ANK3: variants seen among roughly 807,000 people sequenced by gnomAD.
ANK3 encodes the protein ankyrin 3, also known as ankyrin-3.
A neutral mutation model predicts 370.9 loss-of-function variants in ANK3; 57 were observed. That is an observed-to-expected ratio of 0.15 (90% CI 0.12 to 0.19). The LOEUF (loss-of-function observed/expected upper bound fraction) is 0.19. Ranked by LOEUF, ANK3 falls within the 10% of genes least tolerant of loss-of-function variation. The probability of loss-of-function intolerance (pLI) is 1.00; values close to 1 mark genes in which losing one functional copy is unlikely to be tolerated. For synonymous variants in ANK3, 1,929 were observed against 1,946.3 expected, an observed-to-expected ratio of 0.99 and a Z score of 0.23; for missense variants, 4,439 against 5,302.1, an observed-to-expected ratio of 0.84 and a Z score of 5.06.
chr10:60,619,692 T>A (rs893822455), intron 1 of ANK3, among the ~76,000 whole-genome samples: 3 of 152,160 alleles, frequency 2.0e-5, no homozygotes, highest in Admixed American at 2.0e-4. Context: ...AAGATGAAAC[T>A]GATGAGCAAA....
At chr10:60,133,351 C>T (rs559815909) in intron 25 of ANK3, among the ~76,000 whole-genome samples, 39 of 152,272 alleles carry the variant, frequency 2.6e-4, no homozygotes, top group African/African-American at 9.4e-4. Context: ...GTAATTATTC[C>T]AGGACCATCC....
intron 1 of ANK3, among the ~76,000 whole-genome samples, chr10:60,312,814 T>C (rs1244118489): frequency 2.0e-5 from 3 of 152,244 alleles, no homozygotes; most frequent in African/African-American, 7.2e-5. Flanking sequence ...AAGCTAAGCC[T>C]TCCTTTCCAT....
intron 1 of ANK3, among the ~76,000 whole-genome samples, chr10:60,330,771 T>C (rs2051048919): frequency 1.3e-5 from 2 of 152,196 alleles, no homozygotes; most frequent in Non-Finnish European, 2.9e-5. Flanking sequence ...ACTGGGTATA[T>C]ACCCAAAGGA....
At chr10:60,079,082 C>T (rs1028551904) in intron 36 of ANK3, among the ~76,000 whole-genome samples, 2 of 151,842 alleles carry the variant, frequency 1.3e-5, no homozygotes, top group African/African-American at 4.8e-5. Context: ...TCTCAACCAA[C>T]TACCCACTGA....
intron 2 of ANK3, among the ~76,000 whole-genome samples, chr10:60,415,616 A>G (rs147792922): frequency 7.9e-5 from 12 of 152,192 alleles, no homozygotes; most frequent in South Asian, 2.1e-4. Flanking sequence ...TGATCATCCA[A>G]TGAAATTCTG....
At chr10:60,643,383 G>A (rs1236113758) in intron 1 of ANK3, among the ~76,000 whole-genome samples, 2 of 152,146 alleles carry the variant, frequency 1.3e-5, no homozygotes, top group African/African-American at 4.8e-5. Flanking sequence ...GCTGCCCTCC[G>A]ACTCCAAGCT....
chr10:60,569,568 G>T (rs1355625360), intron 2 of ANK3, among the ~76,000 whole-genome samples: 1 of 152,118 alleles, frequency 6.6e-6, no homozygotes, highest in Non-Finnish European at 1.5e-5. Context: ...ATTAGAAAAA[G>T]CATTTCCTAA....
upstream of ANK3, among the ~76,000 whole-genome samples, chr10:60,393,877 AAAG>A (rs2063162260): frequency 6.6e-6 from 1 of 152,040 alleles, no homozygotes; most frequent in African/African-American, 2.4e-5. Context: ...ACTGTACTAT[AAAG>A]AAGGAGAAGA....
intron 8 of ANK3, among the ~76,000 whole-genome samples, chr10:60,222,338 G>T (rs1291743219): frequency 1.3e-5 from 2 of 151,646 alleles, no homozygotes; most frequent in East Asian, 3.9e-4. Context: ...CACAGTTCTT[G>T]CAGTCATGAA....
intron 43 of ANK3, among the ~76,000 whole-genome samples, chr10:60,034,438 A>G (rs1675470873): frequency 1.3e-5 from 2 of 152,208 alleles, no homozygotes; most frequent in South Asian, 2.1e-4. Context: ...ACTTTTAGGC[A>G]TGCTGATACT....
chr10:60,295,939 A>C (rs990933520), intron 1 of ANK3, among the ~76,000 whole-genome samples: 7 of 152,224 alleles, frequency 4.6e-5, no homozygotes, highest in Non-Finnish European at 8.8e-5. Context: ...TGGTTGAAGT[A>C]GGTCAAGGAT....
chr10:60,086,985 G>A (rs533859445), intron 29 of ANK3, 101 bp from the exon 30 acceptor site: 499 of 115,102 alleles, frequency 4.3e-3, no homozygotes, highest in South Asian at 0.024. Flanking sequence ...AACAAAAACA[G>A]ACAACCAAAA....
chr10:60,502,049 A>C (rs1425083709), intron 2 of ANK3, among the ~76,000 whole-genome samples: 1 of 152,050 alleles, frequency 6.6e-6, no homozygotes, highest in African/African-American at 2.4e-5. Flanking sequence ...GGATACCCCA[A>C]ATGACTACAG....
At chr10:60,729,391 C>T (rs2079988850) in intron 1 of ANK3, among the ~76,000 whole-genome samples, 1 of 152,154 alleles carries the variant, frequency 6.6e-6, no homozygotes, top group Non-Finnish European at 1.5e-5. Context: ...GACATAATAG[C>T]TACCAATAAA....
rs189840610 is a variant in ANK3 at position 60,569,555 on chromosome 10, A to T, written c.96+45631T>A. On this transcript the variant is annotated intron_variant, in intron 2 of 43. Transcript: ENST00000373827. ...TCACATTCCAGAACAAAACACAGAA[A>T]TTATTAGAAAAAGCATTTCCTAACA... Among the ~76,000 whole-genome samples the T allele has an allele frequency of 2.0e-4, 30 of 152,326 alleles. No individual in the cohort carries two copies. In the East Asian group the frequency reaches 5.4e-3, roughly 27 times the overall value.
chr10:60,694,183 A>C (rs1278971436), intron 1 of ANK3, among the ~76,000 whole-genome samples: 1 of 152,214 alleles, frequency 6.6e-6, no homozygotes, highest in East Asian at 1.9e-4. Flanking sequence ...ATGAAGCGAG[A>C]AGGGAAGTTT....
intron 1 of ANK3, among the ~76,000 whole-genome samples, chr10:60,371,843 T>G (rs1020869401): frequency 6.6e-6 from 1 of 152,076 alleles, no homozygotes; most frequent in Non-Finnish European, 1.5e-5. Context: ...AGTGAAAACT[T>G]CTCCGATGAA....
chr10:60,690,211 G>T (rs1221687153), intron 1 of ANK3, among the ~76,000 whole-genome samples: 2 of 152,290 alleles, frequency 1.3e-5, no homozygotes, highest in Non-Finnish European at 2.9e-5. Flanking sequence ...TGAGGCACCT[G>T]GTTCATCTCA....
intron 42 of ANK3, 71 bp from the exon 43 acceptor site, chr10:60,042,830 C>G: frequency 1.3e-6 from 2 of 1,593,680 alleles, no homozygotes; most frequent in Admixed American, 3.6e-5. Flanking sequence ...CCATTCTGAT[C>G]CTTGGAGGCT....
Sources: gnomAD v4.1 joint callset for allele counts (sites outside exome capture counted in the v4.1 genomes callset) on GRCh38, gnomAD v4.1.1 for gene constraint, MANE v1.5 for transcripts, NCBI Gene and HGNC (gene_info 2026-07-23, HGNC 2026-07-21) for gene names.